PSD3: variants seen among roughly 807,000 people sequenced by gnomAD.
PSD3 encodes the protein PH and SEC7 domain-containing protein 3.
In PSD3, 49 loss-of-function variants were observed where a neutral mutation model predicts 105.5. That is an observed-to-expected ratio of 0.46 (90% CI 0.37 to 0.59). The LOEUF (loss-of-function observed/expected upper bound fraction) is 0.59. Among genes scored for constraint, PSD3 ranks in the 20% least tolerant of loss-of-function variants. PSD3 has a pLI of 0.00. For missense variants in PSD3, 1,561 were observed against 1,263.8 expected, an observed-to-expected ratio of 1.24 and a Z score of -3.57; for synonymous variants, 557 against 457.8, an observed-to-expected ratio of 1.22 and a Z score of -2.77.
At chr8:18,799,695 T>A (rs1810514141) in intron 7 of PSD3, among the ~76,000 whole-genome samples, 1 of 152,110 alleles carries the variant, frequency 6.6e-6, no homozygotes, top group Admixed American at 6.6e-5. Context: ...TACAAGGATA[T>A]CCAGACAAGC....
intron 14 of PSD3, among the ~76,000 whole-genome samples, chr8:18,561,864 G>C (rs999838183): frequency 2.8e-4 from 42 of 152,298 alleles, no homozygotes; most frequent in African/African-American, 1.0e-3. Flanking sequence ...TGCAGTGTGA[G>C]TCAAGGGCTG....
intron 9 of PSD3, among the ~76,000 whole-genome samples, chr8:18,711,380 T>A (rs982417771): frequency 2.0e-5 from 3 of 152,102 alleles, no homozygotes; most frequent in African/African-American, 7.2e-5. Context: ...TGCTGTGCTG[T>A]CTTCAAGAGA....
intron 2 of PSD3, among the ~76,000 whole-genome samples, chr8:18,897,651 ATT>A (rs1448291175): frequency 6.6e-6 from 1 of 152,060 alleles, no homozygotes; most frequent in Non-Finnish European, 1.5e-5. Context: ...ATGTGTTTTT[ATT>A]TTTGCATATG....
intron 1 of PSD3, among the ~76,000 whole-genome samples, chr8:19,061,239 G>A (rs1423251159): frequency 2.6e-5 from 4 of 151,938 alleles, no homozygotes; most frequent in South Asian, 2.1e-4. Context: ...ACACCACATT[G>A]AGAAAACAAA....
intron 2 of PSD3, among the ~76,000 whole-genome samples, chr8:18,931,764 C>T (rs1037349330): frequency 2.0e-5 from 3 of 152,194 alleles, no homozygotes; most frequent in Non-Finnish European, 2.9e-5. Flanking sequence ...GAAGAGTCCC[C>T]GAAGGCCTCC....
intron 4 of PSD3, among the ~76,000 whole-genome samples, chr8:18,856,342 T>C (rs1816005451): frequency 6.6e-6 from 1 of 152,232 alleles, no homozygotes; most frequent in Non-Finnish European, 1.5e-5. Flanking sequence ...CAGCTGCTCA[T>C]TAAGTTCTTC....
At chr8:18,743,634 C>T (rs559747726) in intron 9 of PSD3, among the ~76,000 whole-genome samples, 4 of 152,048 alleles carry the variant, frequency 2.6e-5, no homozygotes, top group African/African-American at 9.6e-5. Flanking sequence ...TGGATACCTT[C>T]AGTATACTTT....
chr8:18,893,281 GT>G (rs1256405302), intron 2 of PSD3, among the ~76,000 whole-genome samples: 1 of 152,038 alleles, frequency 6.6e-6, no homozygotes, highest in Non-Finnish European at 1.5e-5. Flanking sequence ...ACCTGAGGGG[GT>G]TTATATAATA....
intron 11 of PSD3, among the ~76,000 whole-genome samples, chr8:18,604,903 G>C (rs985110743): frequency 6.6e-6 from 1 of 152,228 alleles, no homozygotes; most frequent in African/African-American, 2.4e-5. Flanking sequence ...AAGAGGACAA[G>C]AACTGAGGCC....
chr8:18,609,018 CAGAAAGTCATAATATGGAT>C (rs1805062638), intron 11 of PSD3, among the ~76,000 whole-genome samples: 2 of 152,030 alleles, frequency 1.3e-5, no homozygotes, highest in Non-Finnish European at 1.5e-5. Context: ...TGTTTACTAT[CAGAAAGTCATAATATGGAT>C]AGAAAGTCAT....
In PSD3 at chr8:18,604,603, T is replaced by G. The variant is rs1804677702; in HGVS notation, c.2411-4169A>C. Among the ~76,000 whole-genome samples, 2 of 151,956 alleles carry G rather than the reference T, an allele frequency of 1.3e-5. 1 individual carries two copies. The highest frequency in any genetic ancestry group is 1.3e-4 in the Admixed American group (2 of 15,260). ...AACAGACTGCAGAAATTTGCATAAA[T>G]TAAAAAGAAGCCAAGTGCTATTAGC... On this transcript the variant is annotated intron_variant, in intron 11 of 15. Coordinates refer to ENST00000327040, the MANE Select transcript of PSD3 (RefSeq NM_015310.4).
chr8:18,840,563 A>T (rs1382122984), intron 4 of PSD3, among the ~76,000 whole-genome samples: 1 of 152,236 alleles, frequency 6.6e-6, no homozygotes, highest in African/African-American at 2.4e-5. Context: ...TAACACATTT[A>T]ATCTTCACAA....
chr8:18,988,709 T>C (rs1825637622), intron 1 of PSD3, among the ~76,000 whole-genome samples: 1 of 152,206 alleles, frequency 6.6e-6, no homozygotes, highest in Non-Finnish European at 1.5e-5. Context: ...AGTGTTGATT[T>C]GAAGGTGTGG....
At chr8:18,625,550 G>A (rs576912508) in intron 11 of PSD3, among the ~76,000 whole-genome samples, 4 of 152,280 alleles carry the variant, frequency 2.6e-5, no homozygotes, top group African/African-American at 7.2e-5. Flanking sequence ...ACTGTCCCTA[G>A]CTTGAGACCT....
At chr8:18,778,833 T>C (rs370909509) in intron 8 of PSD3, among the ~76,000 whole-genome samples, 1 of 152,122 alleles carries the variant, frequency 6.6e-6, no homozygotes, top group East Asian at 1.9e-4. Flanking sequence ...ATGATCTTTT[T>C]ATTGATTTGT....
At chr8:18,829,252 TA>T (rs1813479140) in intron 4 of PSD3, among the ~76,000 whole-genome samples, 1 of 152,054 alleles carries the variant, frequency 6.6e-6, no homozygotes, top group East Asian at 1.9e-4. Context: ...GAAAATTTTT[TA>T]AAAAACGGGC....
intron 4 of PSD3, among the ~76,000 whole-genome samples, chr8:18,859,408 A>G (rs576596895): frequency 6.6e-6 from 1 of 152,130 alleles, no homozygotes; most frequent in Admixed American, 6.6e-5. Context: ...GAAAATGAGC[A>G]CTAACTTCAA....
At chr8:19,048,335 T>A (rs1828397964) in intron 1 of PSD3, among the ~76,000 whole-genome samples, 1 of 152,208 alleles carries the variant, frequency 6.6e-6, no homozygotes, top group South Asian at 2.1e-4. Context: ...TTATGGGACC[T>A]TTTACAAGGG....
At chr8:18,577,403 T>G (rs1371826833) in intron 12 of PSD3, among the ~76,000 whole-genome samples, 4 of 152,042 alleles carry the variant, frequency 2.6e-5, no homozygotes. Context: ...TATATTCAAG[T>G]TTATTGACTC....
Sources: gnomAD v4.1 joint callset for allele counts (sites outside exome capture counted in the v4.1 genomes callset) on GRCh38, gnomAD v4.1.1 for gene constraint, MANE v1.5 for transcripts, NCBI Gene and HGNC (gene_info 2026-07-23, HGNC 2026-07-21) for gene names.